RSPH10B2: variants seen among roughly 807,000 people sequenced by gnomAD.
RSPH10B2 encodes the protein radial spoke head 10 homolog B2.
In RSPH10B2, 9 loss-of-function variants were observed where a neutral mutation model predicts 49.0. The ratio of observed to expected loss-of-function variants is 0.18; its 90% CI spans 0.11 to 0.32. The LOEUF is 0.32. RSPH10B2 is among the 10% of genes least tolerant of loss of function. The pLI is 1.00. For synonymous variants in RSPH10B2, 35 were observed against 210.2 expected, an observed-to-expected ratio of 0.17 and a Z score of 7.21; for missense variants, 95 against 589.9, an observed-to-expected ratio of 0.16 and a Z score of 8.69.
upstream of RSPH10B2, among the ~76,000 whole-genome samples, chr7:6,756,139 G>A (rs554838674): frequency 3.1e-4 from 45 of 144,846 alleles, no homozygotes; most frequent in South Asian, 6.7e-3. Context: ...GTGTGGTGGT[G>A]GGTGCCTGTA....
At chr7:6,784,592 G>A (rs1225418026) in intron 13 of RSPH10B2, among the ~76,000 whole-genome samples, 1 of 91,154 alleles carries the variant, frequency 1.1e-5, no homozygotes, top group Non-Finnish European at 2.0e-5. Context: ...TTTTGAGACA[G>A]TCTTGCTCTG....
At chr7:6,783,852 T>A (rs1218400334) in intron 13 of RSPH10B2, among the ~76,000 whole-genome samples, 2 of 144,062 alleles carry the variant, frequency 1.4e-5, no homozygotes, top group African/African-American at 5.2e-5. Flanking sequence ...ATTATTATTA[T>A]TATTTTGACA....
chr7:6,793,279 C>T lies in RSPH10B2; in HGVS notation c.2233+1282C>T, dbSNP rs1278319766. 7.9e-5 allele frequency among the ~76,000 whole-genome samples: 9 copies of T among 114,604 alleles called. 2 individuals are homozygous for T. The highest frequency in any genetic ancestry group is 2.0e-4 in the Admixed American group (2 of 10,234). The allele number at this position is 114,604 out of a possible 152,430, so 75.2% of individuals were successfully genotyped here. ...GTTGCCCAGGCTGGTCTTGAACTCC[C>T]GGGCCCAAGTGATCTTCCCGCCTTG... On this transcript the variant is annotated intron_variant, in intron 17 of 18. Transcript: ENST00000297186.
rs1467495520 is a variant in RSPH10B2 at position 6,795,874 on chromosome 7, G to A, written c.2234-694G>A. Among the ~76,000 whole-genome samples, 48 of 148,818 alleles carry A rather than the reference G, an allele frequency of 3.2e-4. 6 individuals are homozygous for A. Among genetic ancestry groups the A allele is most frequent in the Non-Finnish European group, 9.0e-5 (6 of 66,846 alleles). Reference sequence around the variant, plus strand: ...AGCCCAGGAGTTCCTCCAGGCTTCAGTGAGCCATGGTCATGCCACTGCACT... The same window carrying A: ...AGCCCAGGAGTTCCTCCAGGCTTCAATGAGCCATGGTCATGCCACTGCACT... On this transcript the variant is annotated intron_variant, in intron 17 of 18. Coordinates refer to ENST00000297186, the Ensembl canonical transcript of RSPH10B2.
chr7:6,758,862 A>C (rs1156340750), intron 1 of RSPH10B2, among the ~76,000 whole-genome samples: 1 of 135,782 alleles, frequency 7.4e-6, no homozygotes, highest in South Asian at 2.4e-4. Context: ...AAAAATCCCC[A>C]AAAAACAAAC....
At position 6,761,943 on chromosome 7, in the gene RSPH10B2, AG is replaced by A. The variant is rs1366791013; in HGVS notation, c.399+1656del. 7.0e-5 allele frequency among the ~76,000 whole-genome samples: 6 copies of A among 85,366 alleles called. No homozygotes were observed. The East Asian group carries it at 9.1e-4, about 13-fold the overall frequency. 56.0% of individuals were successfully genotyped at this position (85,366 alleles called of 152,430 possible). A position where few individuals can be genotyped will look rare whatever the true frequency, so the allele number is the denominator to read the frequency against. Reference sequence around the variant, plus strand: ...CTCGTTGTCTCGGGAAACTCCCGGCAGGGGGGGAGGTCATTTTTGCAGGCAC... The same window carrying A: ...CTCGTTGTCTCGGGAAACTCCCGGCAGGGGGGAGGTCATTTTTGCAGGCAC... On this transcript the variant is annotated intron_variant, in intron 3 of 18. Transcript: ENST00000297186.
intron 4 of RSPH10B2, among the ~76,000 whole-genome samples, chr7:6,764,705 TTGTTGTGTG>T (rs1198634466): frequency 1.4e-4 from 21 of 148,420 alleles, no homozygotes; most frequent in African/African-American, 5.0e-4. Flanking sequence ...TGTGTTGTTG[TTGTTGTGTG>T]TGTGTGTGTG....
At chr7:6,764,901 T>C (rs1204827883) in intron 4 of RSPH10B2, among the ~76,000 whole-genome samples, 4 of 107,232 alleles carry the variant, frequency 3.7e-5, no homozygotes, top group African/African-American at 1.4e-4. Context: ...AAAAAGCCTT[T>C]TGAGGCTTTT....
rs1325786953 is a variant in RSPH10B2 at position 6,793,367 on chromosome 7, C to T, written c.2233+1370C>T. ...GCGCCTGGCCCTCCCCCTTTTCTGA[C>T]GGCGTCTCTCTATGGCCGGCCACCC... On this transcript the variant is annotated intron_variant, in intron 17 of 18. Transcript: ENST00000297186. Among the ~76,000 whole-genome samples, 11 of 116,476 alleles carry T rather than the reference C, an allele frequency of 9.4e-5. 3 individuals carry two copies. Among genetic ancestry groups the T allele is most frequent in the African/African-American group, 3.1e-4 (9 of 29,152 alleles). The allele number at this position is 116,476 out of a possible 152,430, so 76.4% of individuals were successfully genotyped here. A position where few individuals can be genotyped will look rare whatever the true frequency, so the allele number is the denominator to read the frequency against.
At chr7:6,770,748 A>T (rs1334734455) in intron 7 of RSPH10B2, among the ~76,000 whole-genome samples, 4 of 151,728 alleles carry the variant, frequency 2.6e-5, no homozygotes, top group Non-Finnish European at 5.9e-5. Context: ...TACTAAAAAT[A>T]CAAAAAATTA....
rs558966270 is a variant in RSPH10B2 at position 6,796,882 on chromosome 7, G to A, written c.2432+116G>A. On this transcript the variant is annotated intron_variant, in intron 18 of 18. Coordinates refer to ENST00000297186, the Ensembl canonical transcript of RSPH10B2. Reference sequence around the variant, plus strand: ...TCCGGACAAGCCGTAATTTCCTATGGGCGTCGTTGACATAAAAAGGAATGA... The same window carrying A: ...TCCGGACAAGCCGTAATTTCCTATGAGCGTCGTTGACATAAAAAGGAATGA... 4.8e-3 allele frequency: 2,801 copies of A among 588,228 alleles called. 281 individuals are homozygous for A. The highest frequency in any genetic ancestry group is 6.7e-3 in the Non-Finnish European group (2,599 of 388,962). The allele number at this position is 588,228 out of a possible 1,614,324, so 36.4% of individuals were successfully genotyped here.
At chr7:6,765,878 G>A in intron 5 of RSPH10B2, 87 bp downstream of exon 7, 1 of 1,106,138 alleles carries the variant, frequency 9.0e-7, no homozygotes, top group Non-Finnish European at 1.2e-6. Flanking sequence ...TTAAAAGTAA[G>A]ATGCAAAAGT....
intron 17 of RSPH10B2, among the ~76,000 whole-genome samples, chr7:6,792,689 C>A (rs181059977): frequency 2.5e-5 from 3 of 120,878 alleles, no homozygotes; most frequent in Admixed American, 1.8e-4. Flanking sequence ...GGGAATTTTC[C>A]GCTGTTACTC....
rs1243044724 is a variant in RSPH10B2 at position 6,781,916 on chromosome 7, T to A, written c.1758+440T>A. 2.8e-5 allele frequency among the ~76,000 whole-genome samples: 3 copies of A among 108,552 alleles called. 1 individual carries two copies. Among genetic ancestry groups the A allele is most frequent in the African/African-American group, 1.1e-4 (3 of 28,122 alleles). The allele number at this position is 108,552 out of a possible 152,430, so 71.2% of individuals were successfully genotyped here. ...TATATAATAAATATATATATTTTTTTAATTTTATTTTTTTGAGACGGAGTT... is the reference window on the plus strand; with the variant it reads ...TATATAATAAATATATATATTTTTTAAATTTTATTTTTTTGAGACGGAGTT... On this transcript the variant is annotated intron_variant, in intron 13 of 18. Transcript: ENST00000297186.
upstream of RSPH10B2, among the ~76,000 whole-genome samples, chr7:6,756,094 C>T (rs1208641195): frequency 5.3e-5 from 8 of 150,456 alleles, no homozygotes; most frequent in Admixed American, 1.3e-4. Flanking sequence ...CGGTGAAACC[C>T]CGTCTCTACT....
At chr7:6,796,192 C>T (rs1355167414) in intron 17 of RSPH10B2, among the ~76,000 whole-genome samples, 4 of 117,854 alleles carry the variant, frequency 3.4e-5, no homozygotes, top group Admixed American at 9.3e-5. Flanking sequence ...TGATGGCGCA[C>T]GCCTGTAGCT....
rs1370266545 is a variant in RSPH10B2, at chr7:6,797,864, A to ATACACACAC, written c.2433-499_2433-498insTACACACAC. On this transcript the variant is annotated intron_variant, in intron 18 of 18. Transcript: ENST00000297186. ...TAAGACCCTATCTCAAAAAAAAAAA[A>ATACACACAC]ATACACACACACACACACACACACG... 3.4e-3 allele frequency among the ~76,000 whole-genome samples: 241 copies of ATACACACAC among 71,286 alleles called. 15 individuals are homozygous for ATACACACAC. Among genetic ancestry groups the ATACACACAC allele is most frequent in the African/African-American group, 0.016 (227 of 14,126 alleles). 46.8% of individuals were successfully genotyped at this position (71,286 alleles called of 152,430 possible).
chr7:6,755,725 G>A (rs1359202995), upstream of RSPH10B2, among the ~76,000 whole-genome samples: 1 of 73,026 alleles, frequency 1.4e-5, no homozygotes, highest in Non-Finnish European at 2.4e-5. Flanking sequence ...ACGAGGTCAG[G>A]AGTTCGACAC....
At chr7:6,783,834 TAA>T (rs1562413622) in intron 13 of RSPH10B2, among the ~76,000 whole-genome samples, 301 of 143,214 alleles carry the variant, frequency 2.1e-3, no homozygotes, top group African/African-American at 7.0e-3. Context: ...ATAATAATAA[TAA>T]TAATTATTAT....
Sources: allele counts gnomAD v4.1 joint callset (sites outside exome capture counted in the v4.1 genomes callset), GRCh38; gene constraint gnomAD v4.1.1; transcripts MANE v1.5; gene names NCBI Gene and HGNC (gene_info 2026-07-23, HGNC 2026-07-21).